Variants in SPAST observed in about 807,000 individuals in gnomAD.
SPAST encodes spastin.
In SPAST, 30 loss-of-function variants were observed where a neutral mutation model predicts 76.6. The observed-to-expected ratio is 0.39, with a 90% CI of 0.29 to 0.53. SPAST has a LOEUF of 0.53. Among genes scored for constraint, SPAST ranks in the 20% least tolerant of loss-of-function variants. The probability of loss-of-function intolerance (pLI) is 0.68; values close to 1 mark genes in which losing one functional copy is unlikely to be tolerated. For missense variants in SPAST, 717 were observed against 770.5 expected, an observed-to-expected ratio of 0.93 and a Z score of 0.82; for synonymous variants, 305 against 281.0, an observed-to-expected ratio of 1.09 and a Z score of -0.86.
rs539060001 is a variant in SPAST at position 32,111,220 on chromosome 2, T to C, written c.683-3418T>C. Among the ~76,000 whole-genome samples the C allele has an allele frequency of 1.4e-3, 163 of 112,660 alleles. 1 individual carries two copies. Among genetic ancestry groups the C allele is most frequent in the Non-Finnish European group, 2.2e-3 (125 of 56,162 alleles). 73.9% of individuals were successfully genotyped at this position (112,660 alleles called of 152,430 possible). The stretch of plus-strand genomic sequence containing the variant: ...AGTATATATACAGTATACTATATAG[T>C]GTGTATAGCGTATATATACAGTATA... On this transcript the variant is annotated intron_variant, in intron 4 of 16. Transcript: ENST00000315285.
At chr2:32,110,831 TAC>T (rs1558320276) in intron 4 of SPAST, among the ~76,000 whole-genome samples, 13 of 111,644 alleles carry the variant, frequency 1.2e-4, no homozygotes, top group Non-Finnish European at 2.0e-4. Context: ...AGAGTATATA[TAC>T]AGTATACTAT....
intron 1 of SPAST, among the ~76,000 whole-genome samples, chr2:32,066,322 G>C (rs897306882): frequency 3.3e-5 from 5 of 152,056 alleles, no homozygotes; most frequent in Non-Finnish European, 7.4e-5. Context: ...GGATCCCTTG[G>C]GGAGAATTAA....
At chr2:32,121,078 C>G (rs1251003736) in intron 7 of SPAST, among the ~76,000 whole-genome samples, 4 of 152,116 alleles carry the variant, frequency 2.6e-5, no homozygotes, top group Non-Finnish European at 5.9e-5. Flanking sequence ...TTCTTATCTT[C>G]TGATATTTTA....
At chr2:32,084,062 G>GACCC (rs1278430858) in intron 1 of SPAST, among the ~76,000 whole-genome samples, 1 of 151,544 alleles carries the variant, frequency 6.6e-6, no homozygotes, top group Non-Finnish European at 1.5e-5. Flanking sequence ...TTACAGGCAT[G>GACCC]ACCCACCGTG....
intron 7 of SPAST, among the ~76,000 whole-genome samples, chr2:32,126,299 G>A (rs1215551928): frequency 1.3e-5 from 2 of 151,970 alleles, no homozygotes; most frequent in South Asian, 2.1e-4. Flanking sequence ...CCATTTTGTG[G>A]AATTCATTGT....
intron 16 of SPAST, among the ~76,000 whole-genome samples, chr2:32,149,688 AC>A (rs1680011861): frequency 6.6e-6 from 1 of 152,204 alleles, no homozygotes. Context: ...TAGTATAAAA[AC>A]TATTTACATT....
intron 7 of SPAST, among the ~76,000 whole-genome samples, chr2:32,123,579 A>C (rs1398802497): frequency 6.6e-6 from 1 of 152,226 alleles, no homozygotes; most frequent in Non-Finnish European, 1.5e-5. Context: ...ACAGTATTGA[A>C]GAAGAAAAAA....
At chr2:32,111,519 G>C (rs1573111952) in intron 4 of SPAST, among the ~76,000 whole-genome samples, 1 of 151,018 alleles carries the variant, frequency 6.6e-6, no homozygotes, top group South Asian at 2.1e-4. Flanking sequence ...CCATAGCTAA[G>C]ATTTTTATGA....
At position 32,126,947 on chromosome 2, in the gene SPAST, G is replaced by C; in HGVS notation, c.1099-1G>C. ...TGTAAACTAAAGTATATATTTTTTA[G>C]TTGTTCACAGGGCTTAGAGCTCCTG... On this transcript the variant is annotated splice_acceptor_variant, in intron 7 of 16. Coordinates refer to ENST00000315285, the MANE Select transcript of SPAST (RefSeq NM_014946.4). LOFTEE classifies it high-confidence loss of function. 6.2e-7 allele frequency: 1 copy of C among 1,602,960 alleles called. No individual in the cohort carries two copies. Among genetic ancestry groups the C allele is most frequent in the Non-Finnish European group, 8.5e-7 (1 of 1,170,014 alleles).
intron 1 of SPAST, among the ~76,000 whole-genome samples, chr2:32,085,418 T>C (rs1314717704): frequency 1.3e-5 from 2 of 152,278 alleles, no homozygotes; most frequent in African/African-American, 4.8e-5. Flanking sequence ...AATCTCACCA[T>C]GTTGCCCAAG....
chr2:32,100,348 T>G (rs1430515251), intron 4 of SPAST, among the ~76,000 whole-genome samples: 1 of 151,086 alleles, frequency 6.6e-6, no homozygotes, highest in South Asian at 2.1e-4. Flanking sequence ...AGCAATAGTT[T>G]CATGTGCAGG....
intron 1 of SPAST, among the ~76,000 whole-genome samples, chr2:32,078,386 G>A (rs1397759432): frequency 6.6e-6 from 1 of 152,112 alleles, no homozygotes; most frequent in Admixed American, 6.6e-5. Flanking sequence ...AAGCTGGCCA[G>A]GCTGGTCTCG....
intron 1 of SPAST, among the ~76,000 whole-genome samples, chr2:32,075,539 GCTTTTTT>G (rs1207704433): frequency 8.4e-6 from 1 of 119,030 alleles, no homozygotes; most frequent in African/African-American, 3.2e-5. Context: ...TAGTGTCATG[GCTTTTTT>G]CTTTTTTTTT....
chr2:32,128,707 GGCTGGCTTAAAC>G, intron 9 of SPAST: 1 of 523,904 alleles, frequency 1.9e-6, no homozygotes, highest in Non-Finnish European at 3.4e-6. Flanking sequence ...ACCGTAAACT[GGCTGGCTTAAAC>G]ATCAGCAATT....
In SPAST at chr2:32,141,922, A is replaced by G. The variant is rs754532347; in HGVS notation, c.1512A>G (p.Val504=). Residue 504 remains valine (V), a synonymous_variant, in exon 13 of 17, where the codon GTA becomes GTG. Transcript: ENST00000315285. ...TTTTTAGGCGTTTCATCAAACGGGT[A>G]TATGTGTCTTTACCAAATGAGGAGG... ...EAVLRRFIKR[V]YVSLPNEETR... 1.4e-5 allele frequency: 22 copies of G among 1,612,764 alleles called. No homozygotes were observed. Among genetic ancestry groups the G allele is most frequent in the Non-Finnish European group, 1.8e-5 (21 of 1,179,452 alleles).
intron 12 of SPAST, among the ~76,000 whole-genome samples, chr2:32,139,219 A>AC (rs2148756055): frequency 6.6e-6 from 1 of 152,198 alleles, no homozygotes; most frequent in East Asian, 1.9e-4. Context: ...TGATAGAAAT[A>AC]CCATTGAATC....
chr2:32,090,195 A>G (rs1317543642), intron 3 of SPAST, among the ~76,000 whole-genome samples: 1 of 152,236 alleles, frequency 6.6e-6, no homozygotes, highest in East Asian at 1.9e-4. Flanking sequence ...GCCTATTACT[A>G]TAAATAAGGT....
chr2:32,154,255 T>C, intron 16 of SPAST, 119 bp from the exon 17 acceptor site: 1 of 837,782 alleles, frequency 1.2e-6, no homozygotes, highest in Non-Finnish European at 1.9e-6. Context: ...TAAGAATACA[T>C]ACACGTATAT....
At chr2:32,077,170 G>C (rs949953945) in intron 1 of SPAST, among the ~76,000 whole-genome samples, 3 of 152,048 alleles carry the variant, frequency 2.0e-5, no homozygotes, top group Non-Finnish European at 4.4e-5. Context: ...CACCGCGCCC[G>C]GCTTTAATTG....
Sources: gnomAD v4.1 joint callset for allele counts (sites outside exome capture counted in the v4.1 genomes callset) on GRCh38, gnomAD v4.1.1 for gene constraint, MANE v1.5 for transcripts, NCBI Gene and HGNC (gene_info 2026-07-23, HGNC 2026-07-21) for gene names.